The following AP3S1 variants were observed in gnomAD, a reference collection of about 807,000 sequenced individuals.
AP3S1 encodes adaptor related protein complex 3 subunit sigma 1.
Under a neutral mutation model 21.3 loss-of-function variants are expected in AP3S1, and 12 were observed. The ratio of observed to expected loss-of-function variants is 0.56; its 90% CI spans 0.36 to 0.91. The LOEUF is 0.91. Among genes scored for constraint, AP3S1 ranks in the 40% least tolerant of loss-of-function variants. AP3S1 has a pLI of 0.01. For missense variants in AP3S1, 116 were observed against 225.0 expected, an observed-to-expected ratio of 0.52 and a Z score of 3.10; for synonymous variants, 48 against 78.4, an observed-to-expected ratio of 0.61 and a Z score of 2.05.
intron 3 of AP3S1, among the ~76,000 whole-genome samples, chr5:115,872,993 A>G (rs1390436952): frequency 6.6e-6 from 1 of 152,224 alleles, no homozygotes; most frequent in Non-Finnish European, 1.5e-5. Flanking sequence ...CACTAGAATT[A>G]CAGGAAGAAA....
At chr5:115,876,820 T>C (rs1420332276) in intron 3 of AP3S1, among the ~76,000 whole-genome samples, 1 of 152,178 alleles carries the variant, frequency 6.6e-6, no homozygotes, top group African/African-American at 2.4e-5. Context: ...ATTGTGCATT[T>C]TGGGCAAGAA....
At chr5:115,872,410 A>G (rs1344557276) in intron 3 of AP3S1, among the ~76,000 whole-genome samples, 3 of 152,226 alleles carry the variant, frequency 2.0e-5, no homozygotes, top group Admixed American at 6.5e-5. Context: ...GGAGCTGGGT[A>G]TCAAAGTTAC....
intron 2 of AP3S1, among the ~76,000 whole-genome samples, chr5:115,868,195 T>C (rs986791692): frequency 6.6e-6 from 1 of 152,350 alleles, no homozygotes; most frequent in African/African-American, 2.4e-5. Context: ...CTTGCCGCAT[T>C]AATATTTTGC....
intron 1 of AP3S1, among the ~76,000 whole-genome samples, chr5:115,847,686 G>A (rs930210267): frequency 2.0e-5 from 3 of 152,090 alleles, no homozygotes; most frequent in African/African-American, 2.4e-5. Context: ...TATATTTACC[G>A]TGTACATGTT....
intron 1 of AP3S1, among the ~76,000 whole-genome samples, chr5:115,863,952 AAG>A (rs1763400745): frequency 6.6e-6 from 1 of 152,220 alleles, no homozygotes; most frequent in African/African-American, 2.4e-5. Flanking sequence ...TTGCAGAGAA[AAG>A]ATGTCTGCCT....
chr5:115,898,795 C>T (rs897784153), intron 4 of AP3S1: 15 of 152,234 alleles, frequency 9.9e-5, no homozygotes, highest in Admixed American at 7.2e-4. Context: ...CTAAGGTATG[C>T]TGTGGTTATT....
chr5:115,845,207 G>C (rs996924032), intron 1 of AP3S1, among the ~76,000 whole-genome samples: 3 of 152,140 alleles, frequency 2.0e-5, no homozygotes, highest in Non-Finnish European at 1.5e-5. Context: ...ATATCTAGAG[G>C]TGTGACTGAG....
At chr5:115,888,675 T>G (rs1750008134) in intron 3 of AP3S1, among the ~76,000 whole-genome samples, 1 of 152,092 alleles carries the variant, frequency 6.6e-6, no homozygotes, top group South Asian at 2.1e-4. Flanking sequence ...GGACAGCATT[T>G]TTTTCTTCCT....
intron 3 of AP3S1, among the ~76,000 whole-genome samples, chr5:115,877,818 C>T (rs182317082): frequency 2.4e-4 from 36 of 152,300 alleles, no homozygotes; most frequent in Non-Finnish European, 4.6e-4. Flanking sequence ...CTCCCACCAA[C>T]AGTGTAAAAG....
intron 1 of AP3S1, among the ~76,000 whole-genome samples, chr5:115,863,843 A>G (rs929729747): frequency 6.6e-6 from 1 of 152,196 alleles, no homozygotes; most frequent in Non-Finnish European, 1.5e-5. Flanking sequence ...ATGCTTATAG[A>G]AAGAGGTTTG....
chr5:115,846,988 T>C (rs927659590), intron 1 of AP3S1, among the ~76,000 whole-genome samples: 3 of 151,498 alleles, frequency 2.0e-5, no homozygotes, highest in African/African-American at 2.4e-5. Context: ...TCAATGACTT[T>C]ATTGTAGATC....
intron 2 of AP3S1, 86 bp downstream of exon 2, chr5:115,866,847 TCTA>T: frequency 1.3e-6 from 1 of 780,428 alleles, no homozygotes; most frequent in Non-Finnish European, 1.8e-6. Context: ...GTAAAAGTTT[TCTA>T]CTTTTGATTA....
At chr5:115,850,023 C>T (rs1220548923) in intron 1 of AP3S1, among the ~76,000 whole-genome samples, 2 of 152,140 alleles carry the variant, frequency 1.3e-5, no homozygotes, top group Non-Finnish European at 2.9e-5. Flanking sequence ...AAGAAGAAAA[C>T]CATTTTTTTC....
At chr5:115,848,539 CTG>C (rs1281776812) in intron 1 of AP3S1, among the ~76,000 whole-genome samples, 1 of 152,108 alleles carries the variant, frequency 6.6e-6, no homozygotes, top group Non-Finnish European at 1.5e-5. Context: ...TTAAACTTAC[CTG>C]TGTAACCTGA....
intron 3 of AP3S1, among the ~76,000 whole-genome samples, chr5:115,874,390 A>G (rs1365949009): frequency 6.6e-6 from 1 of 152,088 alleles, no homozygotes; most frequent in Non-Finnish European, 1.5e-5. Context: ...TGAGTTATTT[A>G]TAAGCAGTTG....
At chr5:115,850,095 T>C (rs1390546751) in intron 1 of AP3S1, among the ~76,000 whole-genome samples, 2 of 152,328 alleles carry the variant, frequency 1.3e-5, no homozygotes, top group Non-Finnish European at 2.9e-5. Context: ...GACCCACCTC[T>C]ATTGTACTGA....
chr5:115,880,348 T>C (rs1749166223), intron 3 of AP3S1, among the ~76,000 whole-genome samples: 1 of 152,204 alleles, frequency 6.6e-6, no homozygotes, highest in Non-Finnish European at 1.5e-5. Flanking sequence ...GTGCTATGAA[T>C]TTCCACTGAA....
rs115943748 is a variant in AP3S1 at position 115,899,387 on chromosome 5, A to G, written c.346-3498A>G. ...AGAGATTAACAGATTGAACAATCAG[A>G]AATTACGCTCCATGGAAAAGAACTA... On this transcript the variant is annotated intron_variant, in intron 4 of 5. Coordinates refer to ENST00000316788, the MANE Select transcript of AP3S1 (RefSeq NM_001284.4). Among the ~76,000 whole-genome samples, 919 of 152,354 alleles carry G rather than the reference A, an allele frequency of 6.0e-3. 9 individuals are homozygous for G. Among genetic ancestry groups the G allele is most frequent in the African/African-American group, 0.021 (880 of 41,594 alleles).
At chr5:115,861,104 A>G (rs989314153) in intron 1 of AP3S1, among the ~76,000 whole-genome samples, 1 of 152,224 alleles carries the variant, frequency 6.6e-6, no homozygotes, top group Non-Finnish European at 1.5e-5. Context: ...CATTGTTATA[A>G]GTGTATGATA....
Sources: allele counts gnomAD v4.1 joint callset (sites outside exome capture counted in the v4.1 genomes callset), GRCh38; gene constraint gnomAD v4.1.1; transcripts MANE v1.5; gene names NCBI Gene and HGNC (gene_info 2026-07-23, HGNC 2026-07-21).